Variants in LRP5 observed in about 807,000 individuals in gnomAD.
LRP5 encodes low-density lipoprotein receptor-related protein 5.
In LRP5, 62 loss-of-function variants were observed where a neutral mutation model predicts 154.1. The ratio of observed to expected loss-of-function variants is 0.40; its 90% CI spans 0.33 to 0.50. LRP5 has a LOEUF of 0.50. LRP5 is among the 20% of genes least tolerant of loss of function. The pLI is 0.55. For synonymous variants in LRP5, 966 were observed against 1,011.5 expected, an observed-to-expected ratio of 0.96 and a Z score of 0.85; for missense variants, 1,915 against 2,336.7, an observed-to-expected ratio of 0.82 and a Z score of 3.72.
intron 17 of LRP5, among the ~76,000 whole-genome samples, chr11:68,430,414 C>T (rs918397310): frequency 7.9e-5 from 12 of 152,114 alleles, no homozygotes; most frequent in African/African-American, 1.4e-4. Context: ...CCTCGTGATC[C>T]GCCCACCTCG....
At chr11:68,384,291 C>G (rs2098641811) in intron 5 of LRP5, among the ~76,000 whole-genome samples, 1 of 152,182 alleles carries the variant, frequency 6.6e-6, no homozygotes, top group Non-Finnish European at 1.5e-5. Context: ...AAGGCTGCAG[C>G]CTGGCAGGGC....
At chr11:68,338,598 AC>A (rs1372800598) in intron 1 of LRP5, among the ~76,000 whole-genome samples, 1 of 152,038 alleles carries the variant, frequency 6.6e-6, no homozygotes, top group African/African-American at 2.4e-5. Flanking sequence ...GATCTGAATC[AC>A]CCCCTCACAT....
intron 9 of LRP5, among the ~76,000 whole-genome samples, chr11:68,408,242 AT>A (rs11299690): frequency 0.46 from 26,575 of 57,206 alleles, 3,142 homozygotes; most frequent in South Asian, 0.62. Flanking sequence ...CTCCTGGCTG[AT>A]TTTTTTTTTT....
At chr11:68,301,100 T>C in the LRP5 span, among the ~76,000 whole-genome samples, 3 of 147,758 alleles carry the variant, frequency 2.0e-5, no homozygotes, top group Non-Finnish European at 4.6e-5. Flanking sequence ...TGGCTAATTT[T>C]TTTGTATTTT....
intron 13 of LRP5, among the ~76,000 whole-genome samples, chr11:68,420,457 C>T: frequency 6.6e-6 from 1 of 152,060 alleles, no homozygotes; most frequent in East Asian, 1.9e-4. Flanking sequence ...CTAATCCCAG[C>T]ATTTTGGGAG....
intron 1 of LRP5, among the ~76,000 whole-genome samples, chr11:68,316,508 G>A (rs1034418578): frequency 2.6e-5 from 4 of 152,228 alleles, no homozygotes; most frequent in Non-Finnish European, 5.9e-5. Flanking sequence ...CTGACCTCAA[G>A]TGAGCTGCCG....
chr11:68,307,051 G>A, the LRP5 span, among the ~76,000 whole-genome samples: 1 of 152,132 alleles, frequency 6.6e-6, no homozygotes, highest in Non-Finnish European at 1.5e-5. Context: ...GTGTGGTGGC[G>A]CATGCCTGTA....
intron 5 of LRP5, among the ~76,000 whole-genome samples, chr11:68,372,603 G>A (rs568710007): frequency 9.2e-5 from 14 of 152,324 alleles, no homozygotes; most frequent in East Asian, 5.8e-4. Flanking sequence ...CAGTTTGTCC[G>A]TTGGTAGAAA....
intron 21 of LRP5, among the ~76,000 whole-genome samples, chr11:68,442,991 C>G (rs973658297): frequency 6.6e-6 from 1 of 152,210 alleles, no homozygotes; most frequent in Non-Finnish European, 1.5e-5. Context: ...ATGGTCCTCT[C>G]TCCTGCTGCG....
chr11:68,417,962 G>A (rs2098663510), intron 13 of LRP5, among the ~76,000 whole-genome samples: 1 of 152,034 alleles, frequency 6.6e-6, no homozygotes, highest in Non-Finnish European at 1.5e-5. Context: ...AAAAACAAGT[G>A]CTGTAGCGGA....
chr11:68,363,814 T>G lies in LRP5; in HGVS notation c.754T>G (p.Trp252Gly), dbSNP rs765637520. ...ALTLSGDTLY[W>G]TDWQTRSIHA... ...GACGCTCTCCGGGGACACTCTGTAC[T>G]GGACAGACTGGCAGACCCGCTCCAT... Residue 252 changes from tryptophan to glycine, a missense_variant, in exon 4 of 23, where the codon TGG becomes GGG. Transcript: ENST00000294304. The G allele has an allele frequency of 4.3e-6, 7 of 1,612,900 alleles. No homozygotes were observed. Among genetic ancestry groups the G allele is most frequent in the Admixed American group, 1.7e-5 (1 of 59,952 alleles).
At chr11:68,442,031 C>A (rs1233702910) in intron 21 of LRP5, among the ~76,000 whole-genome samples, 3 of 152,244 alleles carry the variant, frequency 2.0e-5, no homozygotes, top group Non-Finnish European at 4.4e-5. Context: ...GCATGGCCTC[C>A]TGCAGTGTGT....
intron 1 of LRP5, among the ~76,000 whole-genome samples, chr11:68,326,331 C>G (rs879765862): frequency 1.3e-5 from 2 of 152,214 alleles, no homozygotes; most frequent in Non-Finnish European, 2.9e-5. Flanking sequence ...TTGAGGGGAC[C>G]CTGCCATCTG....
chr11:68,322,970 C>T (rs908722894), intron 1 of LRP5, among the ~76,000 whole-genome samples: 1 of 152,210 alleles, frequency 6.6e-6, no homozygotes, highest in African/African-American at 2.4e-5. Flanking sequence ...TGAGATGCCA[C>T]GGTGGGGGCT....
In LRP5 at chr11:68,386,511, G is replaced by C. The variant is rs756503895; in HGVS notation, c.1211G>C (p.Gly404Ala). The change falls in exon 6 of 23, where the codon GGG becomes GCG. Residue 404 changes from glycine (G) to alanine (A), a missense_variant. Transcript: ENST00000294304. This position sits in a 1 kb window ranked among gnomAD's most constrained non-coding sequence, Gnocchi z 7.9. The stretch of plus-strand genomic sequence containing the variant: ...GCCATCCGCAGGGCGTACCTGGACG[G>C]GTCTGGGGCGCAGACGCTGGTCAAC... ...VRAIRRAYLD[G>A]SGAQTLVNTE... 1 of 1,613,914 alleles carries C rather than the reference G, an allele frequency of 6.2e-7. No individual in the cohort carries two copies. Among genetic ancestry groups the C allele is most frequent in the Non-Finnish European group, 8.5e-7 (1 of 1,180,008 alleles).
intron 1 of LRP5, among the ~76,000 whole-genome samples, chr11:68,338,709 C>T (rs2098607074): frequency 6.6e-6 from 1 of 152,106 alleles, no homozygotes; most frequent in African/African-American, 2.4e-5. Context: ...GTGTTCTACG[C>T]CCGATTAAAC....
At position 68,336,546 on chromosome 11, in the gene LRP5, G is replaced by C. The variant is rs576488181; in HGVS notation, c.92-11301G>C. ...TGCAATGGTACAATCTCAGCTCATG[G>C]CAACCTCTGCCTCCCGGTTTCAAGC... On this transcript the variant is annotated intron_variant, in intron 1 of 22. Coordinates refer to ENST00000294304, the MANE Select transcript of LRP5 (RefSeq NM_002335.4). 5.3e-5 allele frequency among the ~76,000 whole-genome samples: 8 copies of C among 152,188 alleles called. No homozygotes were observed. In the East Asian group the frequency reaches 1.4e-3, roughly 26 times the overall value.
chr11:68,383,168 G>A (rs1249324971), intron 5 of LRP5, among the ~76,000 whole-genome samples: 5 of 152,124 alleles, frequency 3.3e-5, no homozygotes, highest in African/African-American at 4.8e-5. Flanking sequence ...ATGAGCCACC[G>A]CGCCCGGCCT....
chr11:68,347,046 GCCT>G (rs2098613592), intron 1 of LRP5, among the ~76,000 whole-genome samples: 6 of 152,218 alleles, frequency 3.9e-5, no homozygotes, highest in Admixed American at 1.3e-4. Context: ...GAGGGAGCCA[GCCT>G]GGCCGCAGGC....
Sources: allele counts gnomAD v4.1 joint callset (sites outside exome capture counted in the v4.1 genomes callset), GRCh38; gene constraint gnomAD v4.1.1; non-coding constraint Gnocchi (gnomAD v3.1); transcripts MANE v1.5; gene names NCBI Gene and HGNC (gene_info 2026-07-23, HGNC 2026-07-21).